Variants in CACNA1A observed in about 807,000 individuals in gnomAD.
CACNA1A encodes the protein voltage-dependent P/Q-type calcium channel subunit alpha-1A.
In CACNA1A, 57 loss-of-function variants were observed where a neutral mutation model predicts 262.4. The ratio of observed to expected loss-of-function variants is 0.22; its 90% CI spans 0.18 to 0.27. The LOEUF is 0.27. Ranked by LOEUF, CACNA1A falls within the 10% of genes least tolerant of loss-of-function variation. The pLI is 1.00. For synonymous variants in CACNA1A, 1,431 were observed against 1,419.3 expected, an observed-to-expected ratio of 1.01 and a Z score of -0.18; for missense variants, 2,526 against 3,562.8, an observed-to-expected ratio of 0.71 and a Z score of 7.41.
chr19:13,283,520 C>T, intron 21 of CACNA1A, 124 bp from the exon 22 acceptor site: 1 of 1,294,252 alleles, frequency 7.7e-7, no homozygotes, highest in Non-Finnish European at 1.1e-6. Context: ...TCCTACACAA[C>T]AAACTATTAA....
intron 9 of CACNA1A, 144 bp from the exon 10 acceptor site, chr19:13,330,477 A>C: frequency 2.9e-6 from 2 of 697,162 alleles, no homozygotes; most frequent in Non-Finnish European, 5.2e-6. Context: ...TCAGATGTGT[A>C]AACTGAGGTT....
intron 31 of CACNA1A, among the ~76,000 whole-genome samples, chr19:13,242,587 T>C (rs7247602): frequency 0.57 from 86,666 of 152,068 alleles, 24,993 homozygotes; most frequent in East Asian, 0.8. Flanking sequence ...TGAGCCACCA[T>C]GCCCGGCCTG....
At chr19:13,418,257 C>G (rs148394503) in intron 3 of CACNA1A, among the ~76,000 whole-genome samples, 12 of 152,138 alleles carry the variant, frequency 7.9e-5, no homozygotes, top group African/African-American at 2.2e-4. Flanking sequence ...TTTCTCAGGT[C>G]CACAGCAAAT....
At position 13,345,346 on chromosome 19, in the gene CACNA1A, G is replaced by A. The variant is rs10410945; in HGVS notation, c.979-9437C>T. 3.3e-3 allele frequency among the ~76,000 whole-genome samples: 497 copies of A among 152,162 alleles called. 1 individual carries two copies. The highest frequency in any genetic ancestry group is 0.011 in the African/African-American group (470 of 41,516). ...GTCATTCTGGCCTTTACAACCAACTGATTTTTTCCCACTTCACCCCTTCTC... is the reference window on the plus strand; with the variant it reads ...GTCATTCTGGCCTTTACAACCAACTAATTTTTTCCCACTTCACCCCTTCTC... On this transcript the variant is annotated intron_variant, in intron 6 of 46. Transcript: ENST00000360228.
chr19:13,255,087 GC>G lies in CACNA1A; in HGVS notation c.4755+7del. The G allele has an allele frequency of 1.2e-6, 2 of 1,613,600 alleles. No homozygotes were observed. Among genetic ancestry groups the G allele is most frequent in the Non-Finnish European group, 1.7e-6 (2 of 1,179,666 alleles). ...AAGTAGTGCTGGGGGCTGGTGTGGG[GC>G]ACTTACCTTCATCATAAGCACGATG... On this transcript the variant is annotated splice_region_variant and intron_variant, in intron 29 of 46. Coordinates refer to ENST00000360228, the MANE Select transcript of CACNA1A (RefSeq NM_001127222.2).
In CACNA1A at chr19:13,398,987, C is replaced by T. The variant is rs969704371; in HGVS notation, c.540-27208G>A. On this transcript the variant is annotated intron_variant, in intron 3 of 46. Transcript: ENST00000360228. Reference sequence around the variant, plus strand: ...AGCTCAGGAAACAATATTACATTCCCATGATCCTCCTGCGATCCCAGGAGG... The same window carrying T: ...AGCTCAGGAAACAATATTACATTCCTATGATCCTCCTGCGATCCCAGGAGG... Among the ~76,000 whole-genome samples the T allele has an allele frequency of 2.0e-5, 3 of 152,152 alleles. No homozygotes were observed. The East Asian group carries it at 5.8e-4, about 29-fold the overall frequency.
At chr19:13,318,513 T>C (rs993385255) in intron 10 of CACNA1A, among the ~76,000 whole-genome samples, 1 of 152,046 alleles carries the variant, frequency 6.6e-6, no homozygotes, top group Non-Finnish European at 1.5e-5. Context: ...GATTTGGGTG[T>C]TCACAGGCAC....
intron 6 of CACNA1A, among the ~76,000 whole-genome samples, chr19:13,344,916 A>T (rs979712838): frequency 5.4e-5 from 8 of 148,394 alleles, no homozygotes; most frequent in African/African-American, 1.8e-4. Flanking sequence ...CACCACGCTC[A>T]GCTAATTTTT....
At chr19:13,377,954 C>T (rs1371914490) in intron 3 of CACNA1A, among the ~76,000 whole-genome samples, 1 of 151,714 alleles carries the variant, frequency 6.6e-6, no homozygotes, top group Admixed American at 6.6e-5. Flanking sequence ...ATAGTGAGAC[C>T]TCAACTCAAT....
At chr19:13,470,989 G>A (rs142157455) in intron 1 of CACNA1A, among the ~76,000 whole-genome samples, 1 of 152,128 alleles carries the variant, frequency 6.6e-6, no homozygotes, top group Non-Finnish European at 1.5e-5. Flanking sequence ...TCTGAAATTA[G>A]GGGGTTTCCC....
intron 3 of CACNA1A, among the ~76,000 whole-genome samples, chr19:13,429,848 C>T (rs1336343132): frequency 6.6e-6 from 1 of 151,272 alleles, no homozygotes; most frequent in Non-Finnish European, 1.5e-5. Context: ...TTATGCTCCA[C>T]GAAACAAACC....
At chr19:13,258,955 T>C (rs1465336363) in intron 27 of CACNA1A, 1 of 151,750 alleles carries the variant, frequency 6.6e-6, no homozygotes, top group Non-Finnish European at 1.5e-5. Flanking sequence ...TTTTCAGGGA[T>C]AGGGGTCTCC....
chr19:13,428,902 AAAGGAGG>A (rs1394864465), intron 3 of CACNA1A, among the ~76,000 whole-genome samples: 1 of 151,974 alleles, frequency 6.6e-6, no homozygotes, highest in Non-Finnish European at 1.5e-5. Context: ...CCTACTCATA[AAAGGAGG>A]AAAACAACAG....
intron 3 of CACNA1A, among the ~76,000 whole-genome samples, chr19:13,419,792 G>T (rs1278525698): frequency 6.6e-6 from 1 of 151,712 alleles, no homozygotes; most frequent in East Asian, 2.0e-4. Flanking sequence ...CTGTTAAAAT[G>T]AAGAAAATCC....
intron 11 of CACNA1A, among the ~76,000 whole-genome samples, chr19:13,314,439 C>G (rs2058088472): frequency 6.6e-6 from 1 of 152,118 alleles, no homozygotes; most frequent in African/African-American, 2.4e-5. Flanking sequence ...GTAGAGCTCT[C>G]ATGAATGGGA....
rs146052427 is a variant in CACNA1A at position 13,437,536 on chromosome 19, C to T, written c.539+15340G>A. Among the ~76,000 whole-genome samples the T allele has an allele frequency of 6.7e-3, 1,017 of 151,758 alleles. 17 individuals are homozygous for T. The highest frequency in any genetic ancestry group is 0.022 in the African/African-American group (919 of 41,366). On this transcript the variant is annotated intron_variant, in intron 3 of 46. Transcript: ENST00000360228. ...CGAAACCCTGTCTCTACTAAAAATA[C>T]AAAAATTAGCCAGGTATGGTGGCGT...
chr19:13,370,953 A>G (rs894428353), intron 4 of CACNA1A: 1 of 150,380 alleles, frequency 6.6e-6, no homozygotes, highest in South Asian at 2.1e-4. Flanking sequence ...TGCTTTTTAC[A>G]TTTTTTTTTG....
Position 13,241,368 on chromosome 19 carries a change from G to A in CACNA1A, c.4950+3814C>T, listed in dbSNP as rs965541966. 3.3e-5 allele frequency among the ~76,000 whole-genome samples: 5 copies of A among 152,144 alleles called. No individual in the cohort carries two copies. In the South Asian group the frequency reaches 6.2e-4, roughly 19 times the overall value. On this transcript the variant is annotated intron_variant, in intron 31 of 46. Coordinates refer to ENST00000360228, the MANE Select transcript of CACNA1A (RefSeq NM_001127222.2). The surrounding 1 kb of genome is among the most constrained non-coding windows in gnomAD (Gnocchi z 4.0). ...AGTGGGAGGCACAGGGGCTGGGGGC[G>A]GGAGGACAGACAGACAGAGGAGAGC...
chr19:13,234,743 AGAG>A lies in CACNA1A; in HGVS notation c.5249+175_5249+177del, dbSNP rs533269719. 1,137 of 413,416 alleles carry A rather than the reference AGAG, an allele frequency of 2.8e-3. 18 individuals are homozygous for A. The East Asian group carries it at 0.15, about 54-fold the overall frequency. 25.6% of individuals were successfully genotyped at this position (413,416 alleles called of 1,614,324 possible). On this transcript the variant is annotated intron_variant, in intron 34 of 46. Transcript: ENST00000360228. The stretch of plus-strand genomic sequence containing the variant: ...GAAGGCCGGCACGTCCCCTACCGGA[AGAG>A]AAGGGCACGCCCCCTACCGGAAAAG...
Sources: gnomAD v4.1 joint callset for allele counts (sites outside exome capture counted in the v4.1 genomes callset) on GRCh38, gnomAD v4.1.1 for gene constraint, Gnocchi (gnomAD v3.1) non-coding constraint, MANE v1.5 for transcripts, NCBI Gene and HGNC (gene_info 2026-07-23, HGNC 2026-07-21) for gene names.